The following FMO1 variants were observed in gnomAD, a reference collection of about 807,000 sequenced individuals.
The protein encoded by FMO1 is flavin containing dimethylaniline monoxygenase 1.
A neutral mutation model predicts 45.4 loss-of-function variants in FMO1; 36 were observed. The ratio of observed to expected loss-of-function variants is 0.79; its 90% CI spans 0.61 to 1.05. FMO1 has a LOEUF of 1.05. FMO1 is among the 50% of genes least tolerant of loss of function. The probability of loss-of-function intolerance (pLI) is 0.00; values close to 1 mark genes in which losing one functional copy is unlikely to be tolerated. For synonymous variants in FMO1, 228 were observed against 227.2 expected, an observed-to-expected ratio of 1.00 and a Z score of -0.03; for missense variants, 615 against 640.3, an observed-to-expected ratio of 0.96 and a Z score of 0.43.
In FMO1 at chr1:171,275,402, G is replaced by C; in HGVS notation, c.378G>C (p.Glu126Asp). Residue 126 changes from glutamate to aspartate, a missense_variant, in exon 4 of 9, where the codon GAG becomes GAC. Glu to Asp is a conservative substitution (Grantham distance 45). Transcript: ENST00000617670. Reference sequence around the variant, plus strand: ...ATTCTGCTGTCTCTGGCCAATGGGAGGTGGTCACTATGCATGAAGAGAAGC... The same window carrying C: ...ATTCTGCTGTCTCTGGCCAATGGGACGTGGTCACTATGCATGAAGAGAAGC... The part of the protein sequence containing the change: ...CSDSAVSGQW[E>D]VVTMHEEKQE... 6.2e-7 allele frequency: 1 copy of C among 1,613,828 alleles called. No individual in the cohort carries two copies. Among genetic ancestry groups the C allele is most frequent in the Non-Finnish European group, 8.5e-7 (1 of 1,179,786 alleles).
chr1:171,285,582 T>C lies in FMO1; in HGVS notation c.*38T>C. On this transcript the variant is annotated 3_prime_UTR_variant, in exon 9 of 9. Coordinates refer to ENST00000617670, the MANE Select transcript of FMO1 (RefSeq NM_001282693.2). ...CTAAATGGAAGATGCACAGAGTAGA[T>C]TTACAATGCTCCAATTCCTCTCTTA... 1.6e-6 allele frequency: 2 copies of C among 1,216,404 alleles called. No individual in the cohort carries two copies. The highest frequency in any genetic ancestry group is 2.3e-6 in the Non-Finnish European group (2 of 870,198). 75.4% of individuals were successfully genotyped at this position (1,216,404 alleles called of 1,614,324 possible).
At position 171,258,118 on chromosome 1, in the gene FMO1, G is replaced by C. The variant is rs749952917; in HGVS notation, c.31G>C (p.Gly11Arg). Reference protein sequence around the residue: MAKRVAIVGAGVSGLASIKCC... With the variant: MAKRVAIVGARVSGLASIKCC... ...CAAGCGAGTTGCCATTGTGGGAGCTGGGGTCAGCGGCCTGGCCTCCATCAA... is the reference window on the plus strand; with the variant it reads ...CAAGCGAGTTGCCATTGTGGGAGCTCGGGTCAGCGGCCTGGCCTCCATCAA... The change falls in exon 2 of 9, where the codon GGG becomes CGG. Residue 11 changes from glycine (G) to arginine (R), a missense_variant. By Grantham distance (125) the Gly-to-Arg change is moderately radical (BLOSUM62 -2). Coordinates refer to ENST00000617670, the MANE Select transcript of FMO1 (RefSeq NM_001282693.2). The C allele has an allele frequency of 4.3e-6, 7 of 1,614,048 alleles. No individual in the cohort carries two copies. The East Asian group carries it at 1.3e-4, about 31-fold the overall frequency.
At chr1:171,285,148 A>G in intron 8 of FMO1, 54 bp from the exon 9 acceptor site, 1 of 1,227,818 alleles carries the variant, frequency 8.1e-7, no homozygotes, top group African/African-American at 1.5e-5. Context: ...TACTTGTTCT[A>G]AGATTATCAG....
intron 1 of FMO1, among the ~76,000 whole-genome samples, chr1:171,250,860 A>T (rs1302883411): frequency 6.6e-6 from 1 of 152,186 alleles, no homozygotes. Context: ...AATTTATCTT[A>T]AAACTTCCAA....
Position 171,256,849 on chromosome 1 carries a change from G to T in FMO1, c.-6-1233G>T, listed in dbSNP as rs1660181256. Among the ~76,000 whole-genome samples the T allele has an allele frequency of 2.0e-5, 3 of 152,052 alleles. No individual in the cohort carries two copies. In the South Asian group the frequency reaches 6.2e-4, roughly 32 times the overall value. ...TTTTAGAAAAATTATGTCTTTGGGG[G>T]CACTGCACTTAACAAACTTAGGGAG... On this transcript the variant is annotated intron_variant, in intron 1 of 8. Transcript: ENST00000617670.
At chr1:171,266,884 C>T (rs990163005) in intron 2 of FMO1, among the ~76,000 whole-genome samples, 2 of 152,196 alleles carry the variant, frequency 1.3e-5, no homozygotes, top group African/African-American at 4.8e-5. Flanking sequence ...TTGCAGTAGT[C>T]TTATGAGATA....
At chr1:171,280,192 CA>C (rs1188736320) in intron 5 of FMO1, among the ~76,000 whole-genome samples, 1 of 152,172 alleles carries the variant, frequency 6.6e-6, no homozygotes, top group African/African-American at 2.4e-5. Flanking sequence ...TCTGTTAAAT[CA>C]GCTGTTTTGT....
chr1:171,278,604 C>A, intron 4 of FMO1, 125 bp from the exon 5 acceptor site: 1 of 645,726 alleles, frequency 1.5e-6, no homozygotes, highest in Non-Finnish European at 2.6e-6. Context: ...TTTTCTCAAA[C>A]TTGAGAATAC....
intron 2 of FMO1, among the ~76,000 whole-genome samples, chr1:171,260,120 G>C (rs1660315822): frequency 6.6e-6 from 1 of 152,164 alleles, no homozygotes; most frequent in Non-Finnish European, 1.5e-5. Context: ...GGCATATTCA[G>C]AAAGTAAAAA....
chr1:171,282,388 T>C (rs1661397977), intron 7 of FMO1, 55 bp downstream of exon 7: 2 of 1,163,826 alleles, frequency 1.7e-6, no homozygotes, highest in Non-Finnish European at 2.5e-6. Context: ...TGATTCTGGA[T>C]ACTGGAAATG....
At position 171,282,350 on chromosome 1, in the gene FMO1, G is replaced by T; in HGVS notation, c.1183+17G>T. On this transcript the variant is annotated intron_variant, in intron 7 of 8. Transcript: ENST00000617670. Reference sequence around the variant, plus strand: ...TCCTGAAAGGTAAGTATAAGAAATAGCAGGGCATGTGTTTTTGGTGTGCCA... The same window carrying T: ...TCCTGAAAGGTAAGTATAAGAAATATCAGGGCATGTGTTTTTGGTGTGCCA... 1 of 1,546,024 alleles carries T rather than the reference G, an allele frequency of 6.5e-7. No homozygotes were observed. Among genetic ancestry groups the T allele is most frequent in the Middle Eastern group, 1.7e-4 (1 of 5,790 alleles).
chr1:171,254,185 T>C (rs900616825), intron 1 of FMO1, among the ~76,000 whole-genome samples: 2 of 151,928 alleles, frequency 1.3e-5, no homozygotes, highest in Admixed American at 1.3e-4. Flanking sequence ...ACTTCCCAGG[T>C]TCAAGCAATT....
At chr1:171,276,021 G>A (rs1157705913) in intron 4 of FMO1, among the ~76,000 whole-genome samples, 1 of 152,182 alleles carries the variant, frequency 6.6e-6, no homozygotes, top group East Asian at 1.9e-4. Context: ...GACAACTTAA[G>A]ACATCTTTGG....
chr1:171,283,453 ATCACT>A (rs1172070448), intron 8 of FMO1, among the ~76,000 whole-genome samples: 1 of 152,104 alleles, frequency 6.6e-6, no homozygotes, highest in Non-Finnish European at 1.5e-5. Flanking sequence ...CCCCAAAGTC[ATCACT>A]TCAGCCCATG....
rs1450244872 is a variant in FMO1 at position 171,270,492 on chromosome 1, A to G, written c.321+2761A>G. The G allele has an allele frequency of 1.5e-5, 12 of 812,384 alleles. No homozygotes were observed. In the African/African-American group the frequency reaches 2.2e-4, roughly 15 times the overall value. 50.3% of individuals were successfully genotyped at this position (812,384 alleles called of 1,614,324 possible). A position where few individuals can be genotyped will look rare whatever the true frequency, so the allele number is the denominator to read the frequency against. On this transcript the variant is annotated intron_variant, in intron 3 of 8. Transcript: ENST00000617670. ...ATTTCAGACCTATGAAAAGGACAAC[A>G]ATACTAATAAAAAATTTGTATTTAC...
intron 8 of FMO1, among the ~76,000 whole-genome samples, chr1:171,283,485 T>A (rs149541428): frequency 3.3e-5 from 5 of 152,030 alleles, no homozygotes; most frequent in Non-Finnish European, 5.9e-5. Context: ...TAGTATCACA[T>A]AGAGTTTGGA....
intron 8 of FMO1, among the ~76,000 whole-genome samples, chr1:171,284,523 A>T (rs1661534582): frequency 6.6e-6 from 1 of 152,100 alleles, no homozygotes; most frequent in Non-Finnish European, 1.5e-5. Context: ...GGATCATTTG[A>T]GCTCAGGACT....
chr1:171,276,112 A>G (rs529859198), intron 4 of FMO1, among the ~76,000 whole-genome samples: 1 of 152,290 alleles, frequency 6.6e-6, no homozygotes, highest in African/African-American at 2.4e-5. Flanking sequence ...AACTCAATGG[A>G]ACAGAAAATG....
chr1:171,254,256 C>T (rs1005547809), intron 1 of FMO1, among the ~76,000 whole-genome samples: 1 of 151,978 alleles, frequency 6.6e-6, no homozygotes, highest in East Asian at 1.9e-4. Context: ...GCCCAGCTAA[C>T]TTTTTTGTAT....
Sources: gnomAD v4.1 joint callset for allele counts (sites outside exome capture counted in the v4.1 genomes callset) on GRCh38, gnomAD v4.1.1 for gene constraint, MANE v1.5 for transcripts, NCBI Gene and HGNC (gene_info 2026-07-23, HGNC 2026-07-21) for gene names.